The following CDH4 variants were observed in gnomAD, a reference collection of about 807,000 sequenced individuals.
CDH4 encodes the protein cadherin-4.
A neutral mutation model predicts 86.0 loss-of-function variants in CDH4; 33 were observed. The ratio of observed to expected loss-of-function variants is 0.38; its 90% CI spans 0.29 to 0.51. The LOEUF (loss-of-function observed/expected upper bound fraction) is 0.51. CDH4 is among the 20% of genes least tolerant of loss of function. The pLI, the probability that CDH4 is intolerant of heterozygous loss-of-function variation, is 0.86. For synonymous variants in CDH4, 555 were observed against 549.4 expected (o/e 1.01, Z -0.14); for missense variants, 1,114 against 1,307.4 (o/e 0.85, Z 2.28).
chr20:61,779,416 G>T (rs1364157071), intron 4 of CDH4, among the ~76,000 whole-genome samples: 2 of 152,210 alleles, frequency 1.3e-5, no homozygotes, highest in Non-Finnish European at 2.9e-5. Context: ...CAGTCGCGGA[G>T]CCTGCGAGGT....
intron 2 of CDH4, among the ~76,000 whole-genome samples, chr20:61,507,869 C>A (rs1017586296): frequency 6.6e-6 from 1 of 152,236 alleles, no homozygotes; most frequent in African/African-American, 2.4e-5. Flanking sequence ...AGGGCAGGAT[C>A]GCTCTGTGTT....
intron 2 of CDH4, among the ~76,000 whole-genome samples, chr20:61,677,616 T>C (rs1359812528): frequency 7.9e-6 from 1 of 126,962 alleles, no homozygotes; most frequent in Non-Finnish European, 1.5e-5. Context: ...GAGAGGTTAG[T>C]GGGATGCATT....
At chr20:61,923,799 T>C (rs1342344576) in intron 10 of CDH4, 95 bp downstream of exon 10, 3 of 1,466,550 alleles carry the variant, frequency 2.0e-6, no homozygotes, top group Admixed American at 1.9e-5. Flanking sequence ...CAGCCCAGAA[T>C]TCCCCCAGAT....
chr20:61,818,687 A>AT (rs150430461), intron 4 of CDH4, among the ~76,000 whole-genome samples: 1 of 105,120 alleles, frequency 9.5e-6, no homozygotes, highest in East Asian at 2.2e-4. Context: ...AAAACTAAAA[A>AT]TTTAAAAAAA....
chr20:61,715,496 C>T (rs1203238643), intron 2 of CDH4, among the ~76,000 whole-genome samples: 4 of 152,162 alleles, frequency 2.6e-5, no homozygotes, highest in Non-Finnish European at 5.9e-5. Context: ...ACTCTTACAA[C>T]AAAGCCACTC....
Position 61,696,839 on chromosome 20 carries a change from AAGATGAG to A in CDH4, c.170-46722_170-46716del, listed in dbSNP as rs556105349. ...AAGATGTGATGGAATTAAGAATCGCAAGATGAGATCATCCTGGGTGATCTAGGCGCAC... is the reference window on the plus strand; with the variant it reads ...AAGATGTGATGGAATTAAGAATCGCAATCATCCTGGGTGATCTAGGCGCAC... On this transcript the variant is annotated intron_variant, in intron 2 of 15. Transcript: ENST00000614565. Among the ~76,000 whole-genome samples the A allele has an allele frequency of 3.9e-5, 6 of 152,344 alleles. No homozygotes were observed. The East Asian group carries it at 9.6e-4, about 24-fold the overall frequency.
chr20:61,768,860 C>G lies in CDH4; in HGVS notation c.397-4143C>G, dbSNP rs191294830. ...TTAAACAACACTAGGGAAATTAACG[C>G]CATACAAGCTCATACTAAGCAAATG... On this transcript the variant is annotated intron_variant, in intron 3 of 15. Coordinates refer to ENST00000614565, the MANE Select transcript of CDH4 (RefSeq NM_001794.5). Among the ~76,000 whole-genome samples the G allele has an allele frequency of 4.0e-3, 613 of 152,290 alleles. 4 individuals carry two copies. The highest frequency in any genetic ancestry group is 0.014 in the African/African-American group (587 of 41,554).
At chr20:61,280,916 G>A (rs1366272173) in intron 2 of CDH4, among the ~76,000 whole-genome samples, 1 of 152,216 alleles carries the variant, frequency 6.6e-6, no homozygotes, top group African/African-American at 2.4e-5. Flanking sequence ...CCTGCCGCCC[G>A]CTGCCTGCTG....
At chr20:61,278,220 C>G (rs945134871) in intron 2 of CDH4, among the ~76,000 whole-genome samples, 1 of 152,244 alleles carries the variant, frequency 6.6e-6, no homozygotes, top group Non-Finnish European at 1.5e-5. Context: ...TATCATTTCA[C>G]TGCTGAGAAT....
At chr20:61,805,214 T>C (rs918823616) in intron 4 of CDH4, among the ~76,000 whole-genome samples, 35 of 152,020 alleles carry the variant, frequency 2.3e-4, no homozygotes, top group African/African-American at 8.2e-4. Flanking sequence ...CAGCCCCCCA[T>C]CCCTACCCAA....
chr20:61,772,631 G>T (rs1365761078), intron 3 of CDH4, among the ~76,000 whole-genome samples: 1 of 152,104 alleles, frequency 6.6e-6, no homozygotes, highest in African/African-American at 2.4e-5. Context: ...ATAAACAGGA[G>T]TTTTGTGGGA....
chr20:61,833,223 C>G (rs953293510), intron 4 of CDH4, among the ~76,000 whole-genome samples: 1 of 152,092 alleles, frequency 6.6e-6, no homozygotes, highest in Admixed American at 6.5e-5. Flanking sequence ...GGATTTCTGA[C>G]GTTTCCAATG....
At chr20:61,380,247 TAAA>T (rs556042619) in intron 2 of CDH4, among the ~76,000 whole-genome samples, 1 of 152,156 alleles carries the variant, frequency 6.6e-6, no homozygotes, top group Non-Finnish European at 1.5e-5. Flanking sequence ...ACTGAACTGT[TAAA>T]AAAATCCATC....
intron 10 of CDH4, 140 bp downstream of exon 10, chr20:61,923,844 T>C (rs1320318821): frequency 5.6e-6 from 6 of 1,067,650 alleles, no homozygotes; most frequent in South Asian, 1.6e-5. Flanking sequence ...TAAGGCGTCC[T>C]TCCAGGAGGG....
Position 61,441,229 on chromosome 20 carries a change from T to C in CDH4, c.169+186292T>C, listed in dbSNP as rs1196265448. Among the ~76,000 whole-genome samples the C allele has an allele frequency of 1.3e-5, 2 of 152,120 alleles. 1 individual carries two copies. Among genetic ancestry groups the C allele is most frequent in the South Asian group, 4.1e-4 (2 of 4,824 alleles). ...GCAGGAGCCAAACTGTCCATTCTCT[T>C]GGAAGAGTAACAAGAGAAAGGACTA... On this transcript the variant is annotated intron_variant, in intron 2 of 15. Coordinates refer to ENST00000614565, the MANE Select transcript of CDH4 (RefSeq NM_001794.5).
At chr20:61,314,047 A>T (rs1568793614) in intron 2 of CDH4, among the ~76,000 whole-genome samples, 1 of 152,202 alleles carries the variant, frequency 6.6e-6, no homozygotes, top group African/African-American at 2.4e-5. Context: ...CAATGTGTTG[A>T]TTTTATATAC....
intron 2 of CDH4, among the ~76,000 whole-genome samples, chr20:61,259,789 GT>G (rs954274485): frequency 2.6e-4 from 40 of 152,214 alleles, no homozygotes; most frequent in African/African-American, 9.6e-4. Context: ...CTTCTTTCTG[GT>G]CACCGGTATC....
At chr20:61,813,259 G>T (rs894167839) in intron 4 of CDH4, among the ~76,000 whole-genome samples, 1 of 152,102 alleles carries the variant, frequency 6.6e-6, no homozygotes, top group Non-Finnish European at 1.5e-5. Flanking sequence ...GCTTCGGGCC[G>T]GGATCTCCCC....
At chr20:61,789,788 G>A (rs1979074031) in intron 4 of CDH4, among the ~76,000 whole-genome samples, 1 of 152,216 alleles carries the variant, frequency 6.6e-6, no homozygotes, top group Non-Finnish European at 1.5e-5. Context: ...GGTGGAGAAG[G>A]GAAAGGAAGT....
Sources: gnomAD v4.1 joint callset for allele counts (sites outside exome capture counted in the v4.1 genomes callset) on GRCh38, gnomAD v4.1.1 for gene constraint, MANE v1.5 for transcripts, NCBI Gene and HGNC (gene_info 2026-07-23, HGNC 2026-07-21) for gene names.